Variants in FBXL17 observed in about 807,000 individuals in gnomAD.
FBXL17 encodes the protein F-box/LRR-repeat protein 17.
A neutral mutation model predicts 66.2 loss-of-function variants in FBXL17; 22 were observed. That is an observed-to-expected ratio of 0.33 (90% CI 0.24 to 0.47). The LOEUF is 0.47. FBXL17 is among the 20% of genes least tolerant of loss of function. FBXL17 has a pLI of 1.00. For synonymous variants in FBXL17, 474 were observed against 400.5 expected, an observed-to-expected ratio of 1.18 and a Z score of -2.19; for missense variants, 878 against 948.2, an observed-to-expected ratio of 0.93 and a Z score of 0.97.
chr5:108,262,952 G>C (rs2150128051), intron 4 of FBXL17, among the ~76,000 whole-genome samples: 1 of 151,986 alleles, frequency 6.6e-6, no homozygotes, highest in South Asian at 2.1e-4. Context: ...GGTTATACAA[G>C]GATACTGTTC....
At chr5:108,370,259 G>C (rs187010179) in intron 1 of FBXL17, among the ~76,000 whole-genome samples, 1 of 152,202 alleles carries the variant, frequency 6.6e-6, no homozygotes, top group Non-Finnish European at 1.5e-5. Context: ...AAGGCTATTA[G>C]TCAAGGATTT....
At chr5:108,364,690 ATT>A (rs1748548955) in intron 3 of FBXL17, 46 bp downstream of exon 3, 1 of 1,465,676 alleles carries the variant, frequency 6.8e-7, no homozygotes, top group Admixed American at 2.0e-5. Context: ...GCTAGAAAAC[ATT>A]TTTAATTAAT....
At chr5:107,907,051 T>G (rs916764847) in intron 7 of FBXL17, among the ~76,000 whole-genome samples, 1 of 152,156 alleles carries the variant, frequency 6.6e-6, no homozygotes, top group African/African-American at 2.4e-5. Flanking sequence ...GTAAAATAGA[T>G]AAAACTCCCA....
intron 7 of FBXL17, among the ~76,000 whole-genome samples, chr5:108,014,941 T>C (rs1754323443): frequency 6.6e-6 from 1 of 152,126 alleles, no homozygotes; most frequent in Admixed American, 6.6e-5. Flanking sequence ...TCAGATCTCG[T>C]GAGACTTATT....
chr5:107,891,327 T>C (rs891478785), intron 7 of FBXL17, among the ~76,000 whole-genome samples: 3 of 152,164 alleles, frequency 2.0e-5, no homozygotes, highest in Non-Finnish European at 2.9e-5. Flanking sequence ...TTTAGCAATA[T>C]TGGCTTTCAC....
intron 7 of FBXL17, among the ~76,000 whole-genome samples, chr5:107,962,472 T>C (rs1193436916): frequency 6.6e-6 from 1 of 152,158 alleles, no homozygotes; most frequent in African/African-American, 2.4e-5. Flanking sequence ...TATTTTTTCA[T>C]TTTAAAGATG....
intron 7 of FBXL17, among the ~76,000 whole-genome samples, chr5:108,001,922 T>G (rs1328669765): frequency 3.9e-5 from 6 of 152,088 alleles, no homozygotes; most frequent in African/African-American, 1.4e-4. Context: ...ATCTTGATGA[T>G]TCTAATAACT....
At chr5:107,977,868 G>C (rs1047733278) in intron 7 of FBXL17, among the ~76,000 whole-genome samples, 2 of 152,166 alleles carry the variant, frequency 1.3e-5, no homozygotes, top group Non-Finnish European at 2.9e-5. Flanking sequence ...TAAAGGAGGG[G>C]CTGGGAGGAT....
At chr5:108,109,885 T>C (rs1320233520) in intron 6 of FBXL17, among the ~76,000 whole-genome samples, 1 of 152,212 alleles carries the variant, frequency 6.6e-6, no homozygotes, top group Non-Finnish European at 1.5e-5. Flanking sequence ...ATTCATTCAG[T>C]CCACAGAAGG....
intron 7 of FBXL17, among the ~76,000 whole-genome samples, chr5:107,931,269 T>TC (rs1487932391): frequency 1.6e-4 from 24 of 151,690 alleles, no homozygotes; most frequent in Non-Finnish European, 3.1e-4. Context: ...TTTTTTTTTT[T>TC]TTTTTTTGAG....
intron 7 of FBXL17, among the ~76,000 whole-genome samples, chr5:107,972,416 T>C (rs1752405967): frequency 6.6e-6 from 1 of 152,208 alleles, no homozygotes; most frequent in Admixed American, 6.5e-5. Context: ...CAGTCAACTC[T>C]TAAGCCTCCC....
At chr5:108,320,929 C>T (rs1759589962) in intron 4 of FBXL17, among the ~76,000 whole-genome samples, 1 of 151,714 alleles carries the variant, frequency 6.6e-6, no homozygotes, top group African/African-American at 2.4e-5. Context: ...ACGTTTAATG[C>T]CTATCTGCGA....
At chr5:107,975,006 A>G (rs1752524215) in intron 7 of FBXL17, among the ~76,000 whole-genome samples, 1 of 152,204 alleles carries the variant, frequency 6.6e-6, no homozygotes, top group African/African-American at 2.4e-5. Context: ...TGCATCATTT[A>G]TTTATATCAA....
At chr5:108,321,882 C>T (rs938107343) in intron 4 of FBXL17, among the ~76,000 whole-genome samples, 3 of 151,772 alleles carry the variant, frequency 2.0e-5, no homozygotes, top group Non-Finnish European at 2.9e-5. Context: ...ATTAGCAACT[C>T]AGTAGAAAAA....
At chr5:108,330,934 T>G (rs1284846440) in intron 4 of FBXL17, among the ~76,000 whole-genome samples, 3 of 152,114 alleles carry the variant, frequency 2.0e-5, no homozygotes, top group Non-Finnish European at 2.9e-5. Context: ...GCACCTGTAG[T>G]CCCAGCTACT....
chr5:108,374,923 A>G (rs756457839), intron 1 of FBXL17, among the ~76,000 whole-genome samples: 3 of 152,162 alleles, frequency 2.0e-5, no homozygotes, highest in Non-Finnish European at 4.4e-5. Context: ...TGGCAACCTA[A>G]ACTTCTACCT....
At chr5:108,079,858 A>G (rs1281635049) in intron 6 of FBXL17, among the ~76,000 whole-genome samples, 2 of 152,204 alleles carry the variant, frequency 1.3e-5, no homozygotes, top group Non-Finnish European at 2.9e-5. Context: ...ATTTCTTAGA[A>G]GTTACTCTTT....
chr5:108,381,477 G>T lies in FBXL17; in HGVS notation c.215C>A (p.Ala72Asp). 2.3e-6 allele frequency: 3 copies of T among 1,322,692 alleles called. No homozygotes were observed. The highest frequency in any genetic ancestry group is 2.9e-6 in the Non-Finnish European group (3 of 1,042,834). The allele number at this position is 1,322,692 out of a possible 1,614,324, so 81.9% of individuals were successfully genotyped here. Residue 72 changes from alanine to aspartate, a missense_variant, in exon 1 of 9, where the codon GCC becomes GAC. This residue lies in a region of FBXL17 where 605 missense variants were observed against 509.5 expected (regional missense o/e 1.19). Coordinates refer to ENST00000542267, the MANE Select transcript of FBXL17 (RefSeq NM_001163315.3). ...CFIVHSPGAP[A>D]PAGPEEEPPL... is the part of the protein sequence containing the mutation. ...CGGCTCCTCCTCTGGGCCGGCGGGG[G>T]CGGGCGCGCCGGGACTGTGCACGAT...
At chr5:108,068,526 G>A (rs1054354182) in intron 6 of FBXL17, among the ~76,000 whole-genome samples, 1 of 151,860 alleles carries the variant, frequency 6.6e-6, no homozygotes, top group Non-Finnish European at 1.5e-5. Flanking sequence ...CGCAATCTCG[G>A]CTCACTGCAA....
Sources: gnomAD v4.1 joint callset for allele counts (sites outside exome capture counted in the v4.1 genomes callset) on GRCh38, gnomAD v4.1.1 for gene constraint, gnomAD v4.1.1 regional missense constraint, MANE v1.5 for transcripts, NCBI Gene and HGNC (gene_info 2026-07-23, HGNC 2026-07-21) for gene names.